ALCAM: variants seen among roughly 807,000 people sequenced by gnomAD.
ALCAM encodes the protein CD166 antigen.
A neutral mutation model predicts 70.9 loss-of-function variants in ALCAM; 30 were observed. The observed-to-expected ratio is 0.42, with a 90% CI of 0.32 to 0.57. ALCAM has a LOEUF of 0.57. ALCAM is among the 20% of genes least tolerant of loss of function. The probability of loss-of-function intolerance (pLI) is 0.11; values close to 1 mark genes in which losing one functional copy is unlikely to be tolerated. For synonymous variants in ALCAM, 249 were observed against 242.5 expected (o/e 1.03, Z -0.25); for missense variants, 591 against 695.1 (o/e 0.85, Z 1.68).
chr3:105,533,497 G>A (rs747816561), intron 4 of ALCAM, 106 bp from the exon 5 acceptor site: 67 of 858,108 alleles, frequency 7.8e-5, no homozygotes, highest in Non-Finnish European at 1.2e-4. Flanking sequence ...AAATAAACGG[G>A]TCAAGAAACC....
At chr3:105,376,071 G>T (rs1322657198) in intron 1 of ALCAM, among the ~76,000 whole-genome samples, 1 of 152,124 alleles carries the variant, frequency 6.6e-6, no homozygotes, top group African/African-American at 2.4e-5. Context: ...AGTTCAGTGT[G>T]TGTGAGTTTG....
chr3:105,503,168 C>T (rs1033074718), intron 1 of ALCAM, among the ~76,000 whole-genome samples: 1 of 152,160 alleles, frequency 6.6e-6, no homozygotes, highest in African/African-American at 2.4e-5. Flanking sequence ...TAACAATTTG[C>T]GTTTAGAAAT....
chr3:105,534,272 T>C (rs1295288062), intron 5 of ALCAM, among the ~76,000 whole-genome samples: 1 of 152,176 alleles, frequency 6.6e-6, no homozygotes, highest in Non-Finnish European at 1.5e-5. Context: ...ACCCCCGCTT[T>C]AAACTATTCA....
At chr3:105,485,875 T>G (rs939881181) in intron 1 of ALCAM, among the ~76,000 whole-genome samples, 3 of 151,936 alleles carry the variant, frequency 2.0e-5, no homozygotes, top group Non-Finnish European at 4.4e-5. Context: ...AAAGTTAAGA[T>G]TTGACTCTGC....
chr3:105,542,654 A>G (rs551750637), intron 8 of ALCAM, among the ~76,000 whole-genome samples: 3 of 151,960 alleles, frequency 2.0e-5, no homozygotes, highest in African/African-American at 7.2e-5. Flanking sequence ...GACTTTAGAA[A>G]TTGTCTTGAG....
At chr3:105,554,092 G>GGTGT (rs138029039) in intron 14 of ALCAM, among the ~76,000 whole-genome samples, 15 of 150,850 alleles carry the variant, frequency 9.9e-5, no homozygotes, top group Admixed American at 4.6e-4. Flanking sequence ...ACCAGTAGAG[G>GGTGT]GTGTGTGTGT....
chr3:105,524,746 A>G, intron 3 of ALCAM: 1 of 1,262,928 alleles, frequency 7.9e-7, no homozygotes, highest in Non-Finnish European at 1.0e-6. Flanking sequence ...TTACTTTGTC[A>G]TGTAAAAATG....
chr3:105,511,741 AG>A (rs1362463162), intron 1 of ALCAM, among the ~76,000 whole-genome samples: 1 of 152,050 alleles, frequency 6.6e-6, no homozygotes, highest in Non-Finnish European at 1.5e-5. Flanking sequence ...ATTCATGTGA[AG>A]AAAAGAGCAA....
chr3:105,368,040 G>C (rs970051074), intron 1 of ALCAM, among the ~76,000 whole-genome samples: 2 of 151,452 alleles, frequency 1.3e-5, no homozygotes, highest in Non-Finnish European at 2.9e-5. Flanking sequence ...TGGTTTCAAC[G>C]TTACCCCCTG....
intron 13 of ALCAM, 105 bp from the exon 14 acceptor site, chr3:105,552,363 T>C (rs899738786): frequency 5.0e-5 from 66 of 1,321,922 alleles, no homozygotes; most frequent in Admixed American, 7.4e-5. Context: ...TGTTAATTAC[T>C]GTAGTGAGCT....
At position 105,454,653 on chromosome 3, in the gene ALCAM, A is replaced by ATTTTTTTTTTTTTTTT. The variant is rs59389132; in HGVS notation, c.74-65395_74-65380dup. The stretch of plus-strand genomic sequence containing the variant: ...ATTGGCACATAGTAGATGCTCATTA[A>ATTTTTTTTTTTTTTTT]TTTTTTTTTTTTTTTTTTTTTTTTT... On this transcript the variant is annotated intron_variant, in intron 1 of 15. Transcript: ENST00000306107. Among the ~76,000 whole-genome samples the ATTTTTTTTTTTTTTTT allele has an allele frequency of 1.8e-4, 11 of 61,794 alleles. 1 individual carries two copies. Among genetic ancestry groups the ATTTTTTTTTTTTTTTT allele is most frequent in the African/African-American group, 2.7e-4 (4 of 14,610 alleles). 40.5% of individuals were successfully genotyped at this position (61,794 alleles called of 152,430 possible). A position where few individuals can be genotyped will look rare whatever the true frequency, so the allele number is the denominator to read the frequency against.
rs574321922 is a variant in ALCAM at position 105,385,943 on chromosome 3, G to A, written c.73+18462G>A. Reference sequence around the variant, plus strand: ...TGGGTGCTGAAGACTTGTCTATATAGGTTCAGTTCCATAACTGAACCAGTG... The same window carrying A: ...TGGGTGCTGAAGACTTGTCTATATAAGTTCAGTTCCATAACTGAACCAGTG... On this transcript the variant is annotated intron_variant, in intron 1 of 15. Coordinates refer to ENST00000306107, the MANE Select transcript of ALCAM (RefSeq NM_001627.4). Among the ~76,000 whole-genome samples the A allele has an allele frequency of 3.3e-5, 5 of 151,610 alleles. No individual in the cohort carries two copies. In the South Asian group the frequency reaches 1.0e-3, roughly 31 times the overall value.
intron 1 of ALCAM, among the ~76,000 whole-genome samples, chr3:105,495,506 C>A (rs978754851): frequency 6.6e-6 from 1 of 151,526 alleles, no homozygotes. Context: ...AAAGATAGAG[C>A]CCTGGTTCAA....
intron 1 of ALCAM, among the ~76,000 whole-genome samples, chr3:105,450,597 T>C (rs550541362): frequency 4.4e-4 from 67 of 152,336 alleles, no homozygotes; most frequent in African/African-American, 1.5e-3. Context: ...CTAATGATAA[T>C]AATAGTAATA....
intron 14 of ALCAM, among the ~76,000 whole-genome samples, chr3:105,563,679 T>TTTTTTTTTTTTC (rs1940679457): frequency 1.0e-5 from 1 of 96,314 alleles, no homozygotes; most frequent in African/African-American, 4.7e-5. Flanking sequence ...TTTTTTTTTT[T>TTTTTTTTTTTTC]TTTTTTTTTT....
chr3:105,535,934 A>G (rs1939958504), intron 6 of ALCAM, among the ~76,000 whole-genome samples: 1 of 152,222 alleles, frequency 6.6e-6, no homozygotes, highest in African/African-American at 2.4e-5. Context: ...TGAGAACAAA[A>G]GTGAAATTCT....
At chr3:105,544,165 T>C (rs1255507704) in intron 8 of ALCAM, among the ~76,000 whole-genome samples, 1 of 151,644 alleles carries the variant, frequency 6.6e-6, no homozygotes, top group Non-Finnish European at 1.5e-5. Flanking sequence ...CTCTTCAGTC[T>C]GGTCTCAATG....
intron 8 of ALCAM, among the ~76,000 whole-genome samples, chr3:105,542,885 T>C (rs1038526684): frequency 2.6e-5 from 4 of 151,726 alleles, no homozygotes; most frequent in Admixed American, 6.6e-5. Context: ...TCCTTGCTTA[T>C]GTTGCTTGGG....
chr3:105,536,647 G>T (rs1939977801), intron 6 of ALCAM, among the ~76,000 whole-genome samples: 1 of 152,154 alleles, frequency 6.6e-6, no homozygotes, highest in Non-Finnish European at 1.5e-5. Context: ...AGAAGCCACA[G>T]TGGGCTTCAT....
Sources: allele counts gnomAD v4.1 joint callset (sites outside exome capture counted in the v4.1 genomes callset), GRCh38; gene constraint gnomAD v4.1.1; transcripts MANE v1.5; gene names NCBI Gene and HGNC (gene_info 2026-07-23, HGNC 2026-07-21).